ACBD6: variants seen among roughly 807,000 people sequenced by gnomAD.
ACBD6 encodes the protein acyl-CoA binding domain containing 6.
Under a neutral mutation model 37.2 loss-of-function variants are expected in ACBD6, and 28 were observed. The observed-to-expected ratio is 0.75, with a 90% confidence interval of 0.56 to 1.03. The LOEUF is 1.03. Ranked by LOEUF, ACBD6 falls within the 50% of genes least tolerant of loss-of-function variation. ACBD6 has a pLI of 0.00. For synonymous variants in ACBD6, 113 were observed against 126.8 expected, an observed-to-expected ratio of 0.89 and a Z score of 0.73; for missense variants, 340 against 337.4, an observed-to-expected ratio of 1.01 and a Z score of -0.06.
chr1:180,455,307 T>C (rs1338648417), intron 3 of ACBD6, among the ~76,000 whole-genome samples: 10 of 148,504 alleles, frequency 6.7e-5, no homozygotes, highest in Non-Finnish European at 1.5e-4. Flanking sequence ...CATTCATAAG[T>C]GGGAGGTGAA....
intron 7 of ACBD6, among the ~76,000 whole-genome samples, chr1:180,297,975 C>A (rs1649989127): frequency 6.6e-6 from 1 of 152,150 alleles, no homozygotes; most frequent in Non-Finnish European, 1.5e-5. Context: ...AAACTCCTGA[C>A]CTCAGGTGAC....
At chr1:180,296,922 C>T (rs867143619) in intron 7 of ACBD6, among the ~76,000 whole-genome samples, 4 of 151,998 alleles carry the variant, frequency 2.6e-5, no homozygotes, top group Admixed American at 6.5e-5. Context: ...GTCAGGAGAT[C>T]GAAACCATCC....
At chr1:180,499,699 T>C (rs369215305) in intron 1 of ACBD6, among the ~76,000 whole-genome samples, 2 of 152,276 alleles carry the variant, frequency 1.3e-5, no homozygotes, top group South Asian at 2.1e-4. Flanking sequence ...CAGTAAATAT[T>C]TGTTAAATAA....
chr1:180,413,936 G>A (rs545808584), intron 4 of ACBD6, among the ~76,000 whole-genome samples: 2 of 152,236 alleles, frequency 1.3e-5, no homozygotes, highest in South Asian at 4.2e-4. Context: ...AGGCAAAAAG[G>A]AGACGTTAAA....
chr1:180,470,670 G>A (rs1206013678), intron 3 of ACBD6, among the ~76,000 whole-genome samples: 1 of 152,146 alleles, frequency 6.6e-6, no homozygotes, highest in East Asian at 1.9e-4. Context: ...CAGTTGACAA[G>A]GAACTCTAGA....
intron 7 of ACBD6, among the ~76,000 whole-genome samples, chr1:180,301,502 A>C (rs926334760): frequency 2.6e-5 from 4 of 152,192 alleles, no homozygotes; most frequent in African/African-American, 9.6e-5. Context: ...GTATTTATTG[A>C]TGCTGTATGT....
intron 4 of ACBD6, among the ~76,000 whole-genome samples, chr1:180,428,386 T>C (rs1202479369): frequency 6.6e-6 from 1 of 152,128 alleles, no homozygotes; most frequent in Non-Finnish European, 1.5e-5. Context: ...ATAATAAATG[T>C]GTGTTGAATT....
chr1:180,401,617 C>T (rs937522029), intron 5 of ACBD6, among the ~76,000 whole-genome samples: 1 of 151,864 alleles, frequency 6.6e-6, no homozygotes, highest in Non-Finnish European at 1.5e-5. Flanking sequence ...AATGCTGTCT[C>T]TACTAGAAAT....
intron 3 of ACBD6, among the ~76,000 whole-genome samples, chr1:180,490,784 T>C (rs1651464812): frequency 8.1e-6 from 1 of 123,044 alleles, no homozygotes; most frequent in Non-Finnish European, 1.6e-5. Flanking sequence ...AGACTCTGTC[T>C]CAAAAAAAAA....
intron 7 of ACBD6, among the ~76,000 whole-genome samples, chr1:180,310,674 T>C (rs909232086): frequency 6.6e-6 from 1 of 152,238 alleles, no homozygotes; most frequent in Non-Finnish European, 1.5e-5. Context: ...TTCTCTGGTA[T>C]GTACCTAGAA....
At chr1:180,275,996 C>G (rs1053075166) in intron 9 of ACBD6, 2 of 152,202 alleles carry the variant, frequency 1.3e-5, no homozygotes, top group Non-Finnish European at 2.9e-5. Context: ...GCTGCAGCTC[C>G]CACCCACCTT....
At chr1:180,273,911 G>A (rs1029028728) in intron 11 of ACBD6, 3 of 493,944 alleles carry the variant, frequency 6.1e-6, no homozygotes, top group African/African-American at 3.9e-5. Flanking sequence ...ATTAGTACAC[G>A]AGCCACAAGG....
intron 4 of ACBD6, among the ~76,000 whole-genome samples, chr1:180,423,114 T>C (rs1648440540): frequency 1.3e-5 from 2 of 152,228 alleles, no homozygotes; most frequent in Non-Finnish European, 2.9e-5. Flanking sequence ...TACATATATT[T>C]TATGCATTCA....
intron 3 of ACBD6, among the ~76,000 whole-genome samples, chr1:180,471,768 G>C (rs1650579016): frequency 6.6e-6 from 1 of 152,018 alleles, no homozygotes; most frequent in Non-Finnish European, 1.5e-5. Context: ...ATTAAGATTT[G>C]GGTGGGGACA....
chr1:180,289,918 CATTA>C (rs1558235507), intron 7 of ACBD6, among the ~76,000 whole-genome samples: 1 of 151,892 alleles, frequency 6.6e-6, no homozygotes, highest in Admixed American at 6.6e-5. Flanking sequence ...CAAAGGAAAT[CATTA>C]ATTAATATAA....
chr1:180,377,406 G>A (rs931226765), intron 6 of ACBD6, among the ~76,000 whole-genome samples: 3 of 152,132 alleles, frequency 2.0e-5, no homozygotes, highest in Non-Finnish European at 4.4e-5. Context: ...CACATCTAGT[G>A]TCCAGCTCTT....
At chr1:180,276,156 G>A (rs190692673) in intron 9 of ACBD6, 170 of 152,336 alleles carry the variant, frequency 1.1e-3, no homozygotes, top group African/African-American at 4.0e-3. Flanking sequence ...AGGGTGAGAA[G>A]GCATTGCCTA....
intron 7 of ACBD6, among the ~76,000 whole-genome samples, chr1:180,310,233 G>A (rs953097768): frequency 1.3e-5 from 2 of 152,142 alleles, no homozygotes; most frequent in Admixed American, 6.5e-5. Context: ...AGTGGTGCGT[G>A]CCTGTAGTCC....
chr1:180,301,110 T>C (rs1265823310), intron 7 of ACBD6, among the ~76,000 whole-genome samples: 1 of 152,140 alleles, frequency 6.6e-6, no homozygotes, highest in African/African-American at 2.4e-5. Context: ...GCTCAAACAT[T>C]TGTAGAAAAG....
Sources: gnomAD v4.1 joint callset for allele counts (sites outside exome capture counted in the v4.1 genomes callset) on GRCh38, gnomAD v4.1.1 for gene constraint, MANE v1.5 for transcripts, NCBI Gene and HGNC (gene_info 2026-07-23, HGNC 2026-07-21) for gene names.